MBD5: variants seen among roughly 807,000 people sequenced by gnomAD.
MBD5 encodes the protein methyl-CpG-binding domain protein 5.
In MBD5, 13 loss-of-function variants were observed where a neutral mutation model predicts 117.3. The ratio of observed to expected loss-of-function variants is 0.11; its 90% CI spans 0.07 to 0.18. The LOEUF (loss-of-function observed/expected upper bound fraction) is 0.18, where lower values mean the gene tolerates loss of function less well. Among genes scored for constraint, MBD5 ranks in the 10% least tolerant of loss-of-function variants. The probability of loss-of-function intolerance (pLI) is 1.00; values close to 1 mark genes in which losing one functional copy is unlikely to be tolerated. For synonymous variants in MBD5, 727 were observed against 766.4 expected (o/e 0.95, Z 0.85); for missense variants, 1,879 against 2,093.8 (o/e 0.90, Z 2.00).
intron 4 of MBD5, among the ~76,000 whole-genome samples, chr2:148,431,435 A>G (rs1344583342): frequency 2.6e-5 from 4 of 152,028 alleles, no homozygotes; most frequent in Non-Finnish European, 5.9e-5. Context: ...CAGGTTTGTT[A>G]TACAGGTAAA....
intron 3 of MBD5, among the ~76,000 whole-genome samples, chr2:148,294,541 C>T (rs183919713): frequency 5.3e-3 from 450 of 84,986 alleles, no homozygotes; most frequent in Non-Finnish European, 8.0e-3. Flanking sequence ...CTGGCTCCAT[C>T]GCCCAGGCTG....
intron 2 of MBD5, among the ~76,000 whole-genome samples, chr2:148,229,841 C>T (rs1025632809): frequency 2.6e-5 from 4 of 152,274 alleles, no homozygotes; most frequent in South Asian, 2.1e-4. Flanking sequence ...TCTTTCCTCA[C>T]GTTCTCCAAA....
At chr2:148,170,816 T>A (rs1254220932) in intron 1 of MBD5, among the ~76,000 whole-genome samples, 1 of 152,226 alleles carries the variant, frequency 6.6e-6, no homozygotes, top group Admixed American at 6.5e-5. Flanking sequence ...ACATTACAAC[T>A]GATTCTACAG....
chr2:148,402,995 T>C (rs1704968780), intron 4 of MBD5, among the ~76,000 whole-genome samples: 1 of 152,166 alleles, frequency 6.6e-6, no homozygotes, highest in Admixed American at 6.5e-5. Flanking sequence ...TCTATTGTTA[T>C]ATCTTCAAGT....
At chr2:148,101,044 A>G (rs1696201489) in intron 1 of MBD5, among the ~76,000 whole-genome samples, 1 of 152,168 alleles carries the variant, frequency 6.6e-6, no homozygotes, top group Admixed American at 6.5e-5. Context: ...TTTTAGTTTT[A>G]GCTTACCTGT....
At chr2:148,474,543 A>G (rs1263654896) in intron 8 of MBD5, among the ~76,000 whole-genome samples, 3 of 152,176 alleles carry the variant, frequency 2.0e-5, no homozygotes, top group Non-Finnish European at 2.9e-5. Context: ...AAAAAAAACC[A>G]AAACATTTAA....
chr2:148,157,332 C>T (rs1041159545), intron 1 of MBD5, among the ~76,000 whole-genome samples: 4 of 151,706 alleles, frequency 2.6e-5, no homozygotes, highest in Non-Finnish European at 5.9e-5. Context: ...GTTTCCCTCC[C>T]TGTGTCCATG....
intron 1 of MBD5, among the ~76,000 whole-genome samples, chr2:148,101,640 T>C (rs1390858608): frequency 6.6e-6 from 1 of 152,236 alleles, no homozygotes; most frequent in Non-Finnish European, 1.5e-5. Context: ...AGTACTATTT[T>C]ATCATCTTTA....
intron 4 of MBD5, among the ~76,000 whole-genome samples, chr2:148,422,005 CT>C (rs1705622768): frequency 6.6e-6 from 1 of 152,202 alleles, no homozygotes; most frequent in African/African-American, 2.4e-5. Context: ...GTGGGTGCAG[CT>C]TCAGCAGACT....
chr2:148,136,465 T>G (rs375178770), intron 1 of MBD5, among the ~76,000 whole-genome samples: 3 of 152,180 alleles, frequency 2.0e-5, no homozygotes, highest in African/African-American at 7.2e-5. Flanking sequence ...TTAAGCAGAT[T>G]GTGTTGTGAC....
At chr2:148,494,611 C>G (rs573724892) in intron 11 of MBD5, among the ~76,000 whole-genome samples, 1 of 152,208 alleles carries the variant, frequency 6.6e-6, no homozygotes, top group Non-Finnish European at 1.5e-5. Flanking sequence ...TTATACCACT[C>G]AGGAAGTGCT....
At chr2:148,328,417 ATGGTGGGCGCCCC>A (rs1318248592) in intron 3 of MBD5, among the ~76,000 whole-genome samples, 1 of 152,186 alleles carries the variant, frequency 6.6e-6, no homozygotes, top group Non-Finnish European at 1.5e-5. Flanking sequence ...AGCCTGGGCA[ATGGTGGGCGCCCC>A]TCCCCTAGCC....
chr2:148,419,072 A>T (rs1705515281), intron 4 of MBD5, among the ~76,000 whole-genome samples: 1 of 152,148 alleles, frequency 6.6e-6, no homozygotes, highest in African/African-American at 2.4e-5. Context: ...CAGAATTAAA[A>T]CCAAGTACTT....
At chr2:148,181,487 C>T (rs1698534271) in intron 2 of MBD5, among the ~76,000 whole-genome samples, 1 of 152,186 alleles carries the variant, frequency 6.6e-6, no homozygotes, top group Admixed American at 6.5e-5. Flanking sequence ...CAGCAATAAC[C>T]TTCTCATCAT....
intron 3 of MBD5, among the ~76,000 whole-genome samples, chr2:148,245,802 ACTT>A (rs1457974250): frequency 6.6e-6 from 1 of 152,084 alleles, no homozygotes; most frequent in Non-Finnish European, 1.5e-5. Context: ...ATAGACTATC[ACTT>A]CTTATTTTCT....
chr2:148,127,352 C>A (rs1331901912), intron 1 of MBD5, among the ~76,000 whole-genome samples: 1 of 152,122 alleles, frequency 6.6e-6, no homozygotes, highest in East Asian at 1.9e-4. Flanking sequence ...GTATTAAGCC[C>A]AGCATCCATT....
intron 1 of MBD5, among the ~76,000 whole-genome samples, chr2:148,077,008 T>TA (rs1695525468): frequency 6.6e-6 from 1 of 152,190 alleles, no homozygotes. Flanking sequence ...AAGAAATGAA[T>TA]GAAGGGGACT....
chr2:148,418,989 G>T (rs191244392), intron 4 of MBD5, among the ~76,000 whole-genome samples: 299 of 152,176 alleles, frequency 2.0e-3, no homozygotes, highest in Non-Finnish European at 3.4e-3. Flanking sequence ...ATTATACAAG[G>T]CTATAGTAAC....
intron 1 of MBD5, among the ~76,000 whole-genome samples, chr2:148,099,154 A>AT (rs1239257832): frequency 2.0e-5 from 3 of 152,192 alleles, no homozygotes; most frequent in Non-Finnish European, 4.4e-5. Flanking sequence ...AGACAAAGAA[A>AT]TAAAAGTTAC....
Sources: allele counts gnomAD v4.1 joint callset (sites outside exome capture counted in the v4.1 genomes callset), GRCh38; gene constraint gnomAD v4.1.1; transcripts MANE v1.5; gene names NCBI Gene and HGNC (gene_info 2026-07-23, HGNC 2026-07-21).